CALN1: variants seen among roughly 807,000 people sequenced by gnomAD.
CALN1 encodes calneuron 1, also known as calcium-binding protein 8.
CALN1 carries 17 observed loss-of-function variants against 30.6 expected under a neutral mutation model. The observed-to-expected ratio is 0.56, with a 90% confidence interval of 0.38 to 0.83. The LOEUF (loss-of-function observed/expected upper bound fraction) is 0.83, where lower values mean the gene tolerates loss of function less well. CALN1 is among the 40% of genes least tolerant of loss of function. The pLI is 0.00. For synonymous variants in CALN1, 156 were observed against 131.4 expected, an observed-to-expected ratio of 1.19 and a Z score of -1.28; for missense variants, 291 against 354.9, an observed-to-expected ratio of 0.82 and a Z score of 1.45.
chr7:72,348,671 C>T (rs76091302), intron 2 of CALN1, among the ~76,000 whole-genome samples: 3,936 of 152,252 alleles, frequency 0.026, 85 homozygotes, highest in Non-Finnish European at 0.038. Flanking sequence ...ATTGAACACC[C>T]GGCGGGTACA....
chr7:72,263,880 C>T (rs1796438864), intron 3 of CALN1, among the ~76,000 whole-genome samples: 1 of 152,138 alleles, frequency 6.6e-6, no homozygotes, highest in Non-Finnish European at 1.5e-5. Context: ...AACAAATTCC[C>T]CCCAAATTAA....
chr7:72,415,275 T>C (rs954946119), upstream of CALN1, among the ~76,000 whole-genome samples: 1 of 152,242 alleles, frequency 6.6e-6, no homozygotes, highest in Non-Finnish European at 1.5e-5. Context: ...ATTCATACCA[T>C]TGTGTCATCC....
At chr7:71,871,538 G>C (rs541259637) in intron 5 of CALN1, among the ~76,000 whole-genome samples, 55 of 152,236 alleles carry the variant, frequency 3.6e-4, no homozygotes, top group African/African-American at 1.3e-3. Context: ...CTCGAGGCCA[G>C]GAAAGTTTGT....
intron 2 of CALN1, among the ~76,000 whole-genome samples, chr7:72,324,495 A>G (rs1211678345): frequency 6.6e-6 from 1 of 151,978 alleles, no homozygotes; most frequent in African/African-American, 2.4e-5. Context: ...ATCTTTCCCT[A>G]GGAGTGGAAA....
intron 2 of CALN1, among the ~76,000 whole-genome samples, chr7:72,335,232 A>C (rs1021618490): frequency 2.0e-5 from 3 of 152,224 alleles, no homozygotes; most frequent in Admixed American, 6.5e-5. Flanking sequence ...TTCTATGAAA[A>C]ACACGTCCTG....
chr7:71,973,427 C>T (rs1042102113), intron 5 of CALN1, among the ~76,000 whole-genome samples: 12 of 152,170 alleles, frequency 7.9e-5, no homozygotes, highest in Admixed American at 5.2e-4. Flanking sequence ...CCATCCGTCT[C>T]GGCCTCCCAA....
At position 72,324,182 on chromosome 7, in the gene CALN1, G is replaced by A. The variant is rs79361910; in HGVS notation, c.120-45372C>T. Among the ~76,000 whole-genome samples the A allele has an allele frequency of 9.1e-3, 1,382 of 152,246 alleles. 11 individuals carry two copies. Among genetic ancestry groups the A allele is most frequent in the Middle Eastern group, 0.017 (5 of 294 alleles). On this transcript the variant is annotated intron_variant, in intron 2 of 6. Coordinates refer to ENST00000395275, the MANE Select transcript of CALN1 (RefSeq NM_031468.4). Reference sequence around the variant, plus strand: ...AGGCCCCAGGAGACTCCTGGGATGTGATTAGAGCATTGGAATTTTTAAGCC... The same window carrying A: ...AGGCCCCAGGAGACTCCTGGGATGTAATTAGAGCATTGGAATTTTTAAGCC...
At chr7:72,435,888 G>A (rs1228596867) in intron 1 of CALN1, among the ~76,000 whole-genome samples, 1 of 152,132 alleles carries the variant, frequency 6.6e-6, no homozygotes, top group Non-Finnish European at 1.5e-5. Context: ...TATGCTCTGA[G>A]TGCCAAGATA....
intron 5 of CALN1, among the ~76,000 whole-genome samples, chr7:71,944,594 CAAAAAAAAAAA>C (rs10677940): frequency 1.1e-3 from 69 of 60,026 alleles, no homozygotes; most frequent in Non-Finnish European, 1.8e-3. Flanking sequence ...AACTCCATCC[CAAAAAAAAAAA>C]AAAAAAAAAA....
At chr7:72,064,065 G>A (rs894912259) in intron 4 of CALN1, among the ~76,000 whole-genome samples, 1 of 152,146 alleles carries the variant, frequency 6.6e-6, no homozygotes, top group Non-Finnish European at 1.5e-5. Context: ...CCTGAGGTTA[G>A]GAGTTCGAGA....
rs35965942 is a variant in CALN1, at chr7:72,117,957, C to CAA, written c.245-11665_245-11664dup. Among the ~76,000 whole-genome samples the CAA allele has an allele frequency of 9.5e-4, 98 of 103,688 alleles. 1 individual carries two copies. The South Asian group carries it at 0.021, about 23-fold the overall frequency. The allele number at this position is 103,688 out of a possible 152,430, so 68.0% of individuals were successfully genotyped here. On this transcript the variant is annotated intron_variant, in intron 3 of 6. Transcript: ENST00000395275. Reference sequence around the variant, plus strand: ...TGGGCGACAGTGCGAGACACCGTCTCAAAAAAAAAAAAGAAAAAAAAAAAA... The same window carrying CAA: ...TGGGCGACAGTGCGAGACACCGTCTCAAAAAAAAAAAAAAGAAAAAAAAAAAA...
At chr7:71,824,778 G>A (rs1283012619) in intron 5 of CALN1, among the ~76,000 whole-genome samples, 1 of 152,160 alleles carries the variant, frequency 6.6e-6, no homozygotes, top group Non-Finnish European at 1.5e-5. Context: ...TTCCTGCCGA[G>A]AGAGAGCTGC....
At chr7:72,274,564 A>G (rs903045439) in intron 3 of CALN1, among the ~76,000 whole-genome samples, 2 of 152,094 alleles carry the variant, frequency 1.3e-5, no homozygotes, top group South Asian at 2.1e-4. Context: ...TAAGAAAACT[A>G]TTCTTCAACA....
the CALN1 span, among the ~76,000 whole-genome samples, chr7:72,499,867 TTCTTTCTTTCTTTC>T: frequency 1.4e-5 from 1 of 71,768 alleles, no homozygotes; most frequent in Non-Finnish European, 2.7e-5. Context: ...CTTTCTTTCT[TTCTTTCTTTCTTTC>T]TTTCTTTCTT....
At chr7:72,096,007 C>G (rs1300434152) in intron 4 of CALN1, among the ~76,000 whole-genome samples, 1 of 151,880 alleles carries the variant, frequency 6.6e-6, no homozygotes, top group Non-Finnish European at 1.5e-5. Flanking sequence ...CCACTGCATT[C>G]CAGCCTGGGC....
chr7:72,344,718 A>G (rs773771602), intron 2 of CALN1, among the ~76,000 whole-genome samples: 8 of 147,094 alleles, frequency 5.4e-5, no homozygotes, highest in Non-Finnish European at 1.2e-4. Context: ...TATGCTTATT[A>G]TATAAATGGC....
intron 2 of CALN1, among the ~76,000 whole-genome samples, chr7:72,310,734 T>C (rs1383572873): frequency 6.6e-6 from 1 of 151,318 alleles, no homozygotes; most frequent in Admixed American, 6.6e-5. Context: ...TGAAACCCTA[T>C]CTCTACAAAA....
chr7:71,875,160 CAAAAAAAAAAAAAAAAAA>C (rs3063970), intron 5 of CALN1, among the ~76,000 whole-genome samples: 2 of 68,726 alleles, frequency 2.9e-5, no homozygotes, highest in Non-Finnish European at 5.4e-5. Flanking sequence ...GACTCTGTCT[CAAAAAAAAAAAAAAAAAA>C]AAAAAAAAAG....
intron 4 of CALN1, among the ~76,000 whole-genome samples, chr7:72,082,198 C>T (rs1044999081): frequency 1.3e-5 from 2 of 152,152 alleles, no homozygotes; most frequent in Non-Finnish European, 2.9e-5. Context: ...GTTGGTCAGG[C>T]TTATCTCGAA....
Sources: gnomAD v4.1 joint callset for allele counts (sites outside exome capture counted in the v4.1 genomes callset) on GRCh38, gnomAD v4.1.1 for gene constraint, MANE v1.5 for transcripts, NCBI Gene and HGNC (gene_info 2026-07-23, HGNC 2026-07-21) for gene names.